NME7: variants seen among roughly 807,000 people sequenced by gnomAD.
NME7 encodes NME/NM23 family member 7, also known as nucleoside diphosphate kinase 7.
Under a neutral mutation model 49.1 loss-of-function variants are expected in NME7, and 41 were observed. That is an observed-to-expected ratio of 0.83 (90% CI 0.65 to 1.08). The LOEUF is 1.08. Among genes scored for constraint, NME7 ranks in the 50% least tolerant of loss-of-function variants. The pLI, the probability that NME7 is intolerant of heterozygous loss-of-function variation, is 0.00. For synonymous variants in NME7, 139 were observed against 150.6 expected, an observed-to-expected ratio of 0.92 and a Z score of 0.56; for missense variants, 423 against 463.4, an observed-to-expected ratio of 0.91 and a Z score of 0.80.
intron 9 of NME7, among the ~76,000 whole-genome samples, chr1:169,232,844 A>G (rs1647690015): frequency 6.6e-6 from 1 of 151,804 alleles, no homozygotes; most frequent in African/African-American, 2.4e-5. Flanking sequence ...TCAAGTATAA[A>G]CATAAAATGC....
chr1:169,361,240 T>G (rs1027120043), intron 1 of NME7, among the ~76,000 whole-genome samples: 1 of 152,186 alleles, frequency 6.6e-6, no homozygotes, highest in Admixed American at 6.5e-5. Flanking sequence ...AATTATGGCA[T>G]TATATTAACC....
intron 1 of NME7, among the ~76,000 whole-genome samples, chr1:169,327,841 A>G (rs772636290): frequency 6.6e-6 from 1 of 152,218 alleles, no homozygotes; most frequent in Non-Finnish European, 1.5e-5. Flanking sequence ...CCAGCTTTAC[A>G]GTGGATCATA....
At chr1:169,349,708 T>A (rs1653081548) in intron 1 of NME7, among the ~76,000 whole-genome samples, 3 of 152,168 alleles carry the variant, frequency 2.0e-5, no homozygotes, top group African/African-American at 7.2e-5. Flanking sequence ...GGATTCATTT[T>A]ATCAAGCTCC....
At chr1:169,156,604 T>C (rs113141666) in intron 11 of NME7, among the ~76,000 whole-genome samples, 3 of 152,198 alleles carry the variant, frequency 2.0e-5, no homozygotes, top group African/African-American at 7.2e-5. Flanking sequence ...TAAATTATAT[T>C]AAATACAGTT....
intron 1 of NME7, among the ~76,000 whole-genome samples, chr1:169,341,323 T>C (rs1052365204): frequency 1.3e-5 from 2 of 152,128 alleles, no homozygotes; most frequent in African/African-American, 2.4e-5. Flanking sequence ...GGTGTTGGGA[T>C]TGCAGGTACG....
chr1:169,195,227 CTTTAAT>C (rs1318510658), intron 10 of NME7, among the ~76,000 whole-genome samples: 1 of 151,892 alleles, frequency 6.6e-6, no homozygotes, highest in African/African-American at 2.4e-5. Context: ...TTTTAAAATT[CTTTAAT>C]TTTATTTTAG....
chr1:169,185,142 A>G (rs1048985471), intron 10 of NME7, among the ~76,000 whole-genome samples: 3 of 152,196 alleles, frequency 2.0e-5, no homozygotes. Flanking sequence ...AATGCAATTG[A>G]GAGTCAGCAT....
intron 11 of NME7, among the ~76,000 whole-genome samples, chr1:169,137,658 G>C (rs1478684713): frequency 6.6e-6 from 1 of 152,150 alleles, no homozygotes; most frequent in East Asian, 1.9e-4. Flanking sequence ...AACCTTTGCT[G>C]GGCTCCCTTT....
At chr1:169,318,790 T>C (rs971615039) in intron 3 of NME7, among the ~76,000 whole-genome samples, 1 of 151,574 alleles carries the variant, frequency 6.6e-6, no homozygotes, top group African/African-American at 2.4e-5. Flanking sequence ...AAAAGGGCCA[T>C]GAACAGAACC....
chr1:169,340,420 C>A (rs996178097), intron 1 of NME7, among the ~76,000 whole-genome samples: 2 of 152,160 alleles, frequency 1.3e-5, no homozygotes, highest in African/African-American at 4.8e-5. Context: ...CTCTTACCTT[C>A]AAAAATTACC....
At chr1:169,149,578 T>G (rs1045324941) in intron 11 of NME7, among the ~76,000 whole-genome samples, 3 of 152,158 alleles carry the variant, frequency 2.0e-5, no homozygotes, top group African/African-American at 7.2e-5. Context: ...AATTTATAAA[T>G]TATGCACAGT....
At chr1:169,254,692 T>A in intron 7 of NME7, among the ~76,000 whole-genome samples, 1 of 145,946 alleles carries the variant, frequency 6.9e-6, no homozygotes, top group Non-Finnish European at 1.5e-5. Context: ...CTTTCTCTTG[T>A]GGCCATTTAG....
chr1:169,171,634 G>A (rs3766058), intron 10 of NME7, among the ~76,000 whole-genome samples: 21,399 of 151,800 alleles, frequency 0.14, 1,736 homozygotes, highest in African/African-American at 0.22. Flanking sequence ...ATGGTGGCAC[G>A]CACCTGTAGT....
intron 11 of NME7, among the ~76,000 whole-genome samples, chr1:169,159,312 A>G (rs1659173366): frequency 6.6e-6 from 1 of 152,194 alleles, no homozygotes; most frequent in Non-Finnish European, 1.5e-5. Context: ...AAGGAGGAGG[A>G]GACTGGGTGA....
intron 11 of NME7, among the ~76,000 whole-genome samples, chr1:169,133,099 A>AGTT (rs1273980932): frequency 2.0e-5 from 3 of 152,226 alleles, no homozygotes; most frequent in East Asian, 3.9e-4. Flanking sequence ...TAAAAAAAAA[A>AGTT]GTTGTTAGCA....
In NME7 at chr1:169,279,462, G is replaced by C. The variant is rs376351252; in HGVS notation, c.754+7841C>G. On this transcript the variant is annotated intron_variant, in intron 7 of 11. Coordinates refer to ENST00000367811, the MANE Select transcript of NME7 (RefSeq NM_013330.5). ...TCACACTGCTGTGCTAGCAATCAAC[G>C]AGACTCTGTGGGCATAGGACCCTCC... Among the ~76,000 whole-genome samples the C allele has an allele frequency of 4.6e-5, 7 of 152,306 alleles. No homozygotes were observed. In the East Asian group the frequency reaches 9.7e-4, roughly 21 times the overall value.
chr1:169,156,977 T>A (rs1279216295), intron 11 of NME7, among the ~76,000 whole-genome samples: 1 of 152,254 alleles, frequency 6.6e-6, no homozygotes, highest in Non-Finnish European at 1.5e-5. Flanking sequence ...CCATTCGCTT[T>A]CCACATGCAC....
At chr1:169,139,077 G>A (rs1481509686) in intron 11 of NME7, among the ~76,000 whole-genome samples, 1 of 152,120 alleles carries the variant, frequency 6.6e-6, no homozygotes, top group African/African-American at 2.4e-5. Context: ...CTCCCTACCT[G>A]TAATGATTAA....
At chr1:169,165,415 G>A (rs1008152564) in intron 11 of NME7, among the ~76,000 whole-genome samples, 2 of 151,870 alleles carry the variant, frequency 1.3e-5, no homozygotes, top group African/African-American at 4.8e-5. Flanking sequence ...CATCACATTA[G>A]GGAAAGATTA....
Sources: gnomAD v4.1 joint callset for allele counts (sites outside exome capture counted in the v4.1 genomes callset) on GRCh38, gnomAD v4.1.1 for gene constraint, MANE v1.5 for transcripts, NCBI Gene and HGNC (gene_info 2026-07-23, HGNC 2026-07-21) for gene names.